The following RERE variants were observed in gnomAD, a reference collection of about 807,000 sequenced individuals.
RERE encodes arginine-glutamic acid dipeptide repeats protein.
RERE carries 40 observed loss-of-function variants against 146.1 expected under a neutral mutation model. The ratio of observed to expected loss-of-function variants is 0.27; its 90% CI spans 0.21 to 0.36. The LOEUF (loss-of-function observed/expected upper bound fraction) is 0.36. RERE is among the 10% of genes least tolerant of loss of function. RERE has a pLI of 1.00. For synonymous variants in RERE, 1,003 were observed against 866.0 expected (o/e 1.16, Z -2.78); for missense variants, 1,933 against 2,138.7 (o/e 0.90, Z 1.90).
chr1:8,433,942 C>A (rs1644132182), intron 11 of RERE, among the ~76,000 whole-genome samples: 1 of 152,182 alleles, frequency 6.6e-6, no homozygotes, highest in African/African-American at 2.4e-5. Context: ...CCAAAGAGTT[C>A]TCTTTTCTGT....
rs1641648002 is a variant in RERE at position 8,362,941 on chromosome 1, C to CT, written c.1741-98dup. 21 of 1,355,696 alleles carry CT rather than the reference C, an allele frequency of 1.5e-5. No individual in the cohort carries two copies. The South Asian group carries it at 2.5e-4, about 16-fold the overall frequency. The allele number at this position is 1,355,696 out of a possible 1,614,324, so 84.0% of individuals were successfully genotyped here. Reference sequence around the variant, plus strand: ...ACAGGCAGAAGCCTGAAGGCACACCCTATCAGCCTCTCAGCAAATCCCAGA... The same window carrying CT: ...ACAGGCAGAAGCCTGAAGGCACACCCTTATCAGCCTCTCAGCAAATCCCAGA... On this transcript the variant is annotated intron_variant, in intron 15 of 22. Transcript: ENST00000400908.
chr1:8,655,085 T>C (rs1029459690), intron 2 of RERE, among the ~76,000 whole-genome samples: 1 of 152,186 alleles, frequency 6.6e-6, no homozygotes, highest in Non-Finnish European at 1.5e-5. Context: ...GGTGTGACCA[T>C]AATACATTTT....
At chr1:8,448,554 G>T (rs978703822) in intron 11 of RERE, among the ~76,000 whole-genome samples, 17 of 152,090 alleles carry the variant, frequency 1.1e-4, no homozygotes, top group African/African-American at 3.9e-4. Context: ...GTCAGGAGTT[G>T]GAGACCAGCC....
chr1:8,555,291 T>G (rs1301242796), intron 6 of RERE, among the ~76,000 whole-genome samples: 2 of 152,254 alleles, frequency 1.3e-5, no homozygotes, highest in Non-Finnish European at 1.5e-5. Context: ...CCATCAAGTT[T>G]TACTGCAGCC....
intron 12 of RERE, among the ~76,000 whole-genome samples, chr1:8,415,191 T>A (rs565629577): frequency 7.2e-5 from 11 of 152,328 alleles, no homozygotes; most frequent in Admixed American, 5.2e-4. Flanking sequence ...AAGCTCCAAG[T>A]GGATAAATCC....
At chr1:8,785,781 C>T (rs1300386911) in intron 1 of RERE, among the ~76,000 whole-genome samples, 1 of 152,130 alleles carries the variant, frequency 6.6e-6, no homozygotes, top group African/African-American at 2.4e-5. Context: ...ACCACCACGC[C>T]CAGCTAATTT....
At chr1:8,467,212 T>G (rs1009884982) in intron 10 of RERE, among the ~76,000 whole-genome samples, 3 of 152,234 alleles carry the variant, frequency 2.0e-5, no homozygotes, top group African/African-American at 7.2e-5. Flanking sequence ...TCTCTTATTT[T>G]AACAATGAGC....
chr1:8,444,889 C>T (rs967247572), intron 11 of RERE, among the ~76,000 whole-genome samples: 4 of 149,544 alleles, frequency 2.7e-5, no homozygotes, highest in African/African-American at 9.9e-5. Context: ...GCCTATAGAA[C>T]TGTGCGCCAA....
chr1:8,521,196 ACT>A (rs1645494645), intron 7 of RERE, among the ~76,000 whole-genome samples: 1 of 136,272 alleles, frequency 7.3e-6, no homozygotes, highest in Admixed American at 7.4e-5. Context: ...AAAAAAAAGA[ACT>A]CCAAGATGTA....
At chr1:8,732,144 G>A (rs891609761) in intron 1 of RERE, among the ~76,000 whole-genome samples, 1 of 152,066 alleles carries the variant, frequency 6.6e-6, no homozygotes. Flanking sequence ...TCCCACAATC[G>A]TGCCCCTAAG....
chr1:8,800,417 T>C (rs1392938534), intron 1 of RERE, among the ~76,000 whole-genome samples: 2 of 152,180 alleles, frequency 1.3e-5, no homozygotes, highest in Non-Finnish European at 2.9e-5. Context: ...CCATATAACA[T>C]AAACCACCTG....
chr1:8,406,501 C>T (rs188202603), intron 12 of RERE, among the ~76,000 whole-genome samples: 6 of 152,126 alleles, frequency 3.9e-5, no homozygotes, highest in East Asian at 1.9e-4. Flanking sequence ...AAACCACACA[C>T]GCACACACAC....
At chr1:8,753,182 TACTATTAAAA>T (rs1480890813) in intron 1 of RERE, among the ~76,000 whole-genome samples, 1 of 152,150 alleles carries the variant, frequency 6.6e-6, no homozygotes, top group Non-Finnish European at 1.5e-5. Context: ...CCACTCAAGC[TACTATTAAAA>T]ATGCTTCCCT....
At position 8,364,226 on chromosome 1, in the gene RERE, C is replaced by T; in HGVS notation, c.1570G>A (p.Glu524Lys). The T allele has an allele frequency of 1.2e-6, 2 of 1,614,134 alleles. No homozygotes were observed. The highest frequency in any genetic ancestry group is 1.3e-5 in the African/African-American group (1 of 75,030). The change falls in exon 15 of 23, where the codon GAG becomes AAG. Residue 524 changes from glutamate to lysine, a missense_variant. Glu to Lys is a moderately conservative substitution (Grantham distance 56, BLOSUM62 1). Coordinates refer to ENST00000400908, the MANE Select transcript of RERE (RefSeq NM_001042681.2). The surrounding 1 kb of genome is among the most constrained non-coding windows in gnomAD (Gnocchi z 5.1). The stretch of plus-strand genomic sequence containing the variant: ...CAGTCGGTGCAAAGCAGGATGTTCT[C>T]CCGGCCTCCGTGGTGCCAATCTTTG... ...TSKDWHHGGR[E>K]NILLCTDCRI...
chr1:8,364,804 G>A lies in RERE; in HGVS notation c.1482C>T (p.Asp494=), dbSNP rs1557590513. ...DLSSASEDDF[D]SEDSEQELKG... ...TCAGCTCCTGCTCACTGTCCTCACT[G>A]TCGAAGTCATCTTCACTGGCTGAAC... Residue 494 remains aspartate (D), a synonymous_variant, in exon 14 of 23, where the codon GAC becomes GAT. Transcript: ENST00000400908. This position sits in a 1 kb window ranked among gnomAD's most constrained non-coding sequence, Gnocchi z 5.1. The A allele has an allele frequency of 6.2e-7, 1 of 1,613,036 alleles. No homozygotes were observed. Among genetic ancestry groups the A allele is most frequent in the South Asian group, 1.1e-5 (1 of 91,066 alleles).
chr1:8,465,799 G>A (rs760857668), intron 11 of RERE, 126 bp downstream of exon 11: 18 of 766,644 alleles, frequency 2.3e-5, no homozygotes, highest in Middle Eastern at 2.2e-4. Flanking sequence ...CCTGCCTGGC[G>A]CTGCCACGGA....
At chr1:8,509,700 C>T (rs1205519819) in intron 7 of RERE, among the ~76,000 whole-genome samples, 2 of 152,158 alleles carry the variant, frequency 1.3e-5, no homozygotes, top group African/African-American at 4.8e-5. Context: ...CCCAGTTACT[C>T]AAGAGGATCG....
intron 10 of RERE, among the ~76,000 whole-genome samples, chr1:8,482,374 A>G (rs780752361): frequency 6.6e-6 from 1 of 152,124 alleles, no homozygotes; most frequent in Non-Finnish European, 1.5e-5. Flanking sequence ...TTTAAAAGCC[A>G]TTTCATTCAA....
chr1:8,426,371 G>A (rs188092632), intron 11 of RERE, among the ~76,000 whole-genome samples: 28 of 150,906 alleles, frequency 1.9e-4, no homozygotes, highest in African/African-American at 6.6e-4. Context: ...GGAGAATGGC[G>A]TCAACCCGGG....
Sources: gnomAD v4.1 joint callset for allele counts (sites outside exome capture counted in the v4.1 genomes callset) on GRCh38, gnomAD v4.1.1 for gene constraint, Gnocchi (gnomAD v3.1) non-coding constraint, MANE v1.5 for transcripts, NCBI Gene and HGNC (gene_info 2026-07-23, HGNC 2026-07-21) for gene names.